Variants in CAMK4 observed in about 807,000 individuals in gnomAD.
The protein encoded by CAMK4 is calcium/calmodulin dependent protein kinase IV.
A neutral mutation model predicts 44.9 loss-of-function variants in CAMK4; 22 were observed. The observed-to-expected ratio is 0.49, with a 90% CI of 0.35 to 0.70. The LOEUF (loss-of-function observed/expected upper bound fraction) is 0.70. Among genes scored for constraint, CAMK4 ranks in the 30% least tolerant of loss-of-function variants. The pLI is 0.01. For missense variants in CAMK4, 498 were observed against 586.8 expected (o/e 0.85, Z 1.56); for synonymous variants, 218 against 215.4 (o/e 1.01, Z -0.11).
chr5:111,237,147 C>G lies in CAMK4; in HGVS notation c.161+12503C>G, dbSNP rs899549431. 2.6e-5 allele frequency among the ~76,000 whole-genome samples: 4 copies of G among 152,220 alleles called. No homozygotes were observed. In the East Asian group the frequency reaches 5.8e-4, roughly 22 times the overall value. ...CAATGCCTAGTTTATAGTGAACACT[C>G]ATTACATATTTGCTGAGTAATATAT... On this transcript the variant is annotated intron_variant, in intron 1 of 10. Transcript: ENST00000282356.
intron 2 of CAMK4, among the ~76,000 whole-genome samples, chr5:111,346,889 A>C (rs1300763445): frequency 1.3e-5 from 2 of 151,998 alleles, no homozygotes; most frequent in African/African-American, 2.4e-5. Flanking sequence ...TGAGGCGTTT[A>C]TTGCAGGGTG....
chr5:111,325,273 TG>T, intron 1 of CAMK4, among the ~76,000 whole-genome samples: 1 of 152,240 alleles, frequency 6.6e-6, no homozygotes, highest in South Asian at 2.1e-4. Flanking sequence ...GATGGGCATT[TG>T]GGTTGGTTCC....
intron 5 of CAMK4, among the ~76,000 whole-genome samples, chr5:111,425,856 T>G (rs1051220560): frequency 2.6e-5 from 4 of 152,194 alleles, no homozygotes; most frequent in Admixed American, 1.3e-4. Flanking sequence ...AGGAATTTTA[T>G]TAATAGCTTT....
chr5:111,294,644 T>C (rs1345370551), intron 1 of CAMK4, among the ~76,000 whole-genome samples: 1 of 152,124 alleles, frequency 6.6e-6, no homozygotes, highest in Admixed American at 6.5e-5. Flanking sequence ...GCACATGTTC[T>C]GTATTCTGTT....
At chr5:111,461,533 C>G (rs565521511) in intron 7 of CAMK4, among the ~76,000 whole-genome samples, 1 of 152,324 alleles carries the variant, frequency 6.6e-6, no homozygotes, top group South Asian at 2.1e-4. Context: ...AGTGTGGAGT[C>G]TGCCCAACTG....
At chr5:111,439,603 G>A (rs1006676176) in intron 5 of CAMK4, among the ~76,000 whole-genome samples, 3 of 152,196 alleles carry the variant, frequency 2.0e-5, no homozygotes, top group African/African-American at 7.2e-5. Flanking sequence ...TGAGACTGGA[G>A]CACCAATGAA....
chr5:111,364,061 AT>A (rs1294081351), intron 2 of CAMK4, among the ~76,000 whole-genome samples: 1 of 152,106 alleles, frequency 6.6e-6, no homozygotes, highest in Non-Finnish European at 1.5e-5. Context: ...AATCCATTTT[AT>A]TTCCTCTACT....
chr5:111,341,783 A>G (rs1178063434), intron 1 of CAMK4, among the ~76,000 whole-genome samples: 1 of 151,276 alleles, frequency 6.6e-6, no homozygotes, highest in Non-Finnish European at 1.5e-5. Flanking sequence ...ACAGATAGGA[A>G]CACTGAGGGC....
intron 1 of CAMK4, among the ~76,000 whole-genome samples, chr5:111,326,165 A>G (rs1167707202): frequency 1.3e-5 from 2 of 152,010 alleles, no homozygotes; most frequent in African/African-American, 4.8e-5. Context: ...TTAAAATGCT[A>G]AAAGTTGGCC....
chr5:111,238,836 T>C (rs1049914265), intron 1 of CAMK4, among the ~76,000 whole-genome samples: 1 of 102,492 alleles, frequency 9.8e-6, no homozygotes, highest in African/African-American at 3.8e-5. Flanking sequence ...TTTTTTTTTT[T>C]AACAGGAGGT....
intron 5 of CAMK4, among the ~76,000 whole-genome samples, chr5:111,431,629 A>T (rs898855044): frequency 1.3e-5 from 2 of 152,164 alleles, no homozygotes; most frequent in Non-Finnish European, 2.9e-5. Flanking sequence ...GGAATTAATA[A>T]CCAGATTATA....
At chr5:111,308,921 A>G (rs1215783885) in intron 1 of CAMK4, among the ~76,000 whole-genome samples, 1 of 152,180 alleles carries the variant, frequency 6.6e-6, no homozygotes, top group Non-Finnish European at 1.5e-5. Context: ...TATGGGGATT[A>G]CCTGTGTTGT....
At chr5:111,453,664 T>G (rs1237852958) in intron 7 of CAMK4, among the ~76,000 whole-genome samples, 2 of 151,992 alleles carry the variant, frequency 1.3e-5, no homozygotes, top group Non-Finnish European at 2.9e-5. Context: ...GAAAAGTGTA[T>G]TAAACTTACA....
intron 1 of CAMK4, among the ~76,000 whole-genome samples, chr5:111,332,283 T>C (rs1406964249): frequency 7.8e-6 from 1 of 128,594 alleles, no homozygotes; most frequent in African/African-American, 2.9e-5. Flanking sequence ...CCTGTGTCCA[T>C]GTGTTCTCAT....
chr5:111,469,469 C>A (rs1253613659), intron 7 of CAMK4, among the ~76,000 whole-genome samples: 1 of 151,990 alleles, frequency 6.6e-6, no homozygotes, highest in Admixed American at 6.6e-5. Context: ...TAAGGTTACA[C>A]CCAGTGCTGC....
intron 1 of CAMK4, among the ~76,000 whole-genome samples, chr5:111,298,356 A>G (rs771281700): frequency 1.7e-4 from 26 of 152,226 alleles, no homozygotes; most frequent in Non-Finnish European, 3.4e-4. Context: ...TATTTTGAAT[A>G]CTGTCTTTTG....
At chr5:111,450,128 G>A (rs1464532278) in intron 7 of CAMK4, among the ~76,000 whole-genome samples, 1 of 151,668 alleles carries the variant, frequency 6.6e-6, no homozygotes, top group Non-Finnish European at 1.5e-5. Context: ...AAGCTAGCCT[G>A]GCTAACATGG....
chr5:111,414,893 G>T (rs905788509), intron 5 of CAMK4, among the ~76,000 whole-genome samples: 8 of 152,012 alleles, frequency 5.3e-5, no homozygotes, highest in African/African-American at 1.9e-4. Context: ...TATCCCCTAG[G>T]TTCAAATATT....
chr5:111,455,822 C>T (rs1404484372), intron 7 of CAMK4, among the ~76,000 whole-genome samples: 2 of 152,198 alleles, frequency 1.3e-5, no homozygotes, highest in Non-Finnish European at 2.9e-5. Flanking sequence ...GCTGTTCCTA[C>T]TTCAGGCTTG....
Sources: allele counts gnomAD v4.1 joint callset (sites outside exome capture counted in the v4.1 genomes callset), GRCh38; gene constraint gnomAD v4.1.1; transcripts MANE v1.5; gene names NCBI Gene and HGNC (gene_info 2026-07-23, HGNC 2026-07-21).